The following LIPI variants were observed in gnomAD, a reference collection of about 807,000 sequenced individuals.
LIPI encodes lipase I.
LIPI carries 59 observed loss-of-function variants against 50.6 expected under a neutral mutation model. The observed-to-expected ratio is 1.16, with a 90% confidence interval of 0.94 to 1.45. The LOEUF is 1.45. Ranked by LOEUF, LIPI falls within the 40% of genes most tolerant of loss-of-function variation. The pLI is 0.00. For missense variants in LIPI, 586 were observed against 536.3 expected (o/e 1.09, Z -0.92); for synonymous variants, 203 against 178.2 (o/e 1.14, Z -1.11).
At chr21:14,183,501 TGCACAGCA>T (rs2123253285) in intron 3 of LIPI, among the ~76,000 whole-genome samples, 1 of 152,284 alleles carries the variant, frequency 6.6e-6, no homozygotes, top group South Asian at 2.1e-4. Context: ...AAAGAGCTTC[TGCACAGCA>T]AAAGAAACTA....
chr21:14,169,027 G>A (rs1224750375), intron 4 of LIPI, among the ~76,000 whole-genome samples: 1 of 151,820 alleles, frequency 6.6e-6, no homozygotes, highest in Non-Finnish European at 1.5e-5. Flanking sequence ...GATCTACCAA[G>A]CAAATGGAAA....
intron 9 of LIPI, among the ~76,000 whole-genome samples, chr21:14,138,646 A>G (rs2017594409): frequency 6.6e-6 from 1 of 152,056 alleles, no homozygotes. Flanking sequence ...AGCCATCATT[A>G]TGTTGTGATA....
rs770791690 is a variant in LIPI, at chr21:14,166,379, G to A, written c.716C>T (p.Pro239Leu). 6.3e-7 allele frequency: 1 copy of A among 1,591,072 alleles called. No individual in the cohort carries two copies. The highest frequency in any genetic ancestry group is 8.6e-7 in the Non-Finnish European group (1 of 1,159,142). Residue 239 changes from proline to leucine, a missense_variant, in exon 5 of 10, where the codon CCT becomes CTT. Physicochemically the swap from Pro to Leu is moderately conservative, Grantham distance 98. Transcript: ENST00000681601. ...CAGTATACCTGAGAAAATTGATTTA[G>A]GACAGCCAGGTTGTTTATTTCCTCC... ...PNGGNKQPGCPKSIFSGIQFI... is the reference protein window; with the variant it reads ...PNGGNKQPGCLKSIFSGIQFI...
chr21:14,185,669 G>A (rs1264550917), intron 3 of LIPI, among the ~76,000 whole-genome samples: 1 of 152,116 alleles, frequency 6.6e-6, no homozygotes, highest in Non-Finnish European at 1.5e-5. Flanking sequence ...CTTGAGGTCA[G>A]GAGTTAGAGA....
chr21:14,137,349 A>G (rs369593627), intron 9 of LIPI, among the ~76,000 whole-genome samples: 13 of 152,218 alleles, frequency 8.5e-5, no homozygotes, highest in African/African-American at 3.1e-4. Flanking sequence ...AACACAGAGA[A>G]GGAATTCAGA....
At chr21:14,165,599 GA>G (rs2018654467) in intron 5 of LIPI, among the ~76,000 whole-genome samples, 2 of 152,100 alleles carry the variant, frequency 1.3e-5, no homozygotes, top group East Asian at 1.9e-4. Context: ...GATTTATAAT[GA>G]ATTTTTAAAG....
chr21:14,149,799 G>A (rs534130196), intron 8 of LIPI, among the ~76,000 whole-genome samples: 13 of 152,292 alleles, frequency 8.5e-5, no homozygotes, highest in African/African-American at 2.6e-4. Context: ...ACACGCTGAT[G>A]CAAGAGGTGA....
intron 4 of LIPI, among the ~76,000 whole-genome samples, chr21:14,172,309 C>G (rs575347396): frequency 6.6e-6 from 1 of 152,044 alleles, no homozygotes. Flanking sequence ...GTCAGTGTGG[C>G]GATTCCTCAG....
chr21:14,164,816 A>G (rs1027777929), intron 6 of LIPI, among the ~76,000 whole-genome samples: 3 of 152,154 alleles, frequency 2.0e-5, no homozygotes, highest in Non-Finnish European at 4.4e-5. Context: ...TGAGAAGCTA[A>G]CCATGGCTCA....
In LIPI at chr21:14,125,961, T is replaced by A. The variant is rs532049125; in HGVS notation, c.1296-16881A>T. ...TCATCATCATTTTTCATTTGAGACA[T>A]GGAAATTTTAAGAAAAATGAGATAC... is the stretch of plus-strand genomic sequence containing the variant. On this transcript the variant is annotated intron_variant, in intron 9 of 9. Transcript: ENST00000681601. Among the ~76,000 whole-genome samples the A allele has an allele frequency of 4.6e-5, 7 of 151,896 alleles. No homozygotes were observed. In the East Asian group the frequency reaches 1.4e-3, roughly 29 times the overall value.
At chr21:14,109,451 C>CA (rs1285622236) in intron 9 of LIPI, among the ~76,000 whole-genome samples, 2 of 152,198 alleles carry the variant, frequency 1.3e-5, no homozygotes, top group Non-Finnish European at 2.9e-5. Flanking sequence ...GGGTGAATCA[C>CA]ATAGACAAAG....
intron 8 of LIPI, among the ~76,000 whole-genome samples, chr21:14,145,275 T>G (rs1219454276): frequency 5.3e-5 from 8 of 152,214 alleles, no homozygotes; most frequent in Non-Finnish European, 1.0e-4. Flanking sequence ...GCATTTACAA[T>G]GTAATTAAGC....
intron 7 of LIPI, among the ~76,000 whole-genome samples, chr21:14,153,651 C>A (rs889797692): frequency 6.6e-6 from 1 of 152,002 alleles, no homozygotes. Flanking sequence ...AGCCCTGGAC[C>A]CCTCTGGGAC....
intron 9 of LIPI, among the ~76,000 whole-genome samples, chr21:14,142,057 A>G (rs2017729857): frequency 6.6e-6 from 1 of 152,198 alleles, no homozygotes; most frequent in South Asian, 2.1e-4. Flanking sequence ...CCCTGTTACA[A>G]TGATGCAAAA....
At chr21:14,199,912 G>A (rs1439228773) in intron 1 of LIPI, among the ~76,000 whole-genome samples, 1 of 152,044 alleles carries the variant, frequency 6.6e-6, no homozygotes, top group Non-Finnish European at 1.5e-5. Context: ...CCATGATCAA[G>A]TAGGCTTTAT....
intron 1 of LIPI, among the ~76,000 whole-genome samples, chr21:14,204,975 G>C (rs764171532): frequency 6.6e-6 from 1 of 151,266 alleles, no homozygotes; most frequent in Admixed American, 6.6e-5. Flanking sequence ...AATGAACTAC[G>C]GAAGTGTTTT....
At chr21:14,132,762 C>G (rs1007669509) in intron 9 of LIPI, among the ~76,000 whole-genome samples, 2 of 151,918 alleles carry the variant, frequency 1.3e-5, no homozygotes, top group African/African-American at 4.8e-5. Flanking sequence ...ACTAGCTAGG[C>G]TAACCAAAAA....
chr21:14,142,293 C>G (rs1037417532), intron 9 of LIPI, among the ~76,000 whole-genome samples: 3 of 151,452 alleles, frequency 2.0e-5, no homozygotes, highest in Non-Finnish European at 4.4e-5. Context: ...GCACATGTAT[C>G]CCAAAACTTA....
At chr21:14,192,928 A>G (rs1279095050) in intron 1 of LIPI, among the ~76,000 whole-genome samples, 1 of 152,232 alleles carries the variant, frequency 6.6e-6, no homozygotes, top group East Asian at 1.9e-4. Context: ...ATACAAAAAT[A>G]TAAGTTTCTG....
Sources: gnomAD v4.1 joint callset for allele counts (sites outside exome capture counted in the v4.1 genomes callset) on GRCh38, gnomAD v4.1.1 for gene constraint, MANE v1.5 for transcripts, NCBI Gene and HGNC (gene_info 2026-07-23, HGNC 2026-07-21) for gene names.